Variants in APOBEC3C observed in about 807,000 individuals in gnomAD.
APOBEC3C encodes apolipoprotein B mRNA editing enzyme catalytic subunit 3C.
Under a neutral mutation model 20.6 loss-of-function variants are expected in APOBEC3C, and 14 were observed. The observed-to-expected ratio is 0.68, with a 90% confidence interval of 0.45 to 1.06. The LOEUF (loss-of-function observed/expected upper bound fraction) is 1.06, where lower values mean the gene tolerates loss of function less well. Ranked by LOEUF, APOBEC3C falls within the 50% of genes least tolerant of loss-of-function variation. The pLI, the probability that APOBEC3C is intolerant of heterozygous loss-of-function variation, is 0.00. For missense variants in APOBEC3C, 244 were observed against 241.9 expected (o/e 1.01, Z -0.06); for synonymous variants, 98 against 88.8 (o/e 1.10, Z -0.58).
intron 1 of APOBEC3C, among the ~76,000 whole-genome samples, chr22:39,015,089 G>A (rs1924733079): frequency 6.6e-6 from 1 of 152,078 alleles, no homozygotes; most frequent in Admixed American, 6.5e-5. Context: ...CTTGTGGTCA[G>A]GAGTTTGAGA....
In APOBEC3C at chr22:39,018,546, T is replaced by G. The variant is rs1285460729; in HGVS notation, c.*159T>G. Reference sequence around the variant, plus strand: ...AGTGCTCCCCTGCCTCACCGCTTCCTCCTCGCTCTTCCAGACTCTTCCTGC... The same window carrying G: ...AGTGCTCCCCTGCCTCACCGCTTCCGCCTCGCTCTTCCAGACTCTTCCTGC... On this transcript the variant is annotated 3_prime_UTR_variant, in exon 4 of 4. Coordinates refer to ENST00000361441, the MANE Select transcript of APOBEC3C (RefSeq NM_014508.3). 1 of 786,024 alleles carries G rather than the reference T, an allele frequency of 1.3e-6. No homozygotes were observed. Among genetic ancestry groups the G allele is most frequent in the East Asian group, 2.7e-5 (1 of 36,990 alleles). 48.7% of individuals were successfully genotyped at this position (786,024 alleles called of 1,614,324 possible). A position where few individuals can be genotyped will look rare whatever the true frequency, so the allele number is the denominator to read the frequency against.
intron 1 of APOBEC3C, 116 bp downstream of exon 1, chr22:39,014,495 C>T (rs2244104): frequency 4.7e-5 from 61 of 1,293,260 alleles, no homozygotes; most frequent in East Asian, 2.9e-4. Flanking sequence ...CTCCCTCCCC[C>T]CTGGTTCCCC....
intron 1 of APOBEC3C, among the ~76,000 whole-genome samples, chr22:39,014,897 A>T (rs1422765742): frequency 3.9e-5 from 6 of 152,284 alleles, no homozygotes; most frequent in African/African-American, 1.4e-4. Context: ...GCAGAGTAGG[A>T]TGCACACGAC....
chr22:39,018,521 A>T lies in APOBEC3C; in HGVS notation c.*134A>T. On this transcript the variant is annotated 3_prime_UTR_variant, in exon 4 of 4. Coordinates refer to ENST00000361441, the MANE Select transcript of APOBEC3C (RefSeq NM_014508.3). ...CCTCCTGGCCTCAGGGCCATTCCAC[A>T]GTGCTCCCCTGCCTCACCGCTTCCT... 3 of 1,050,456 alleles carry T rather than the reference A, an allele frequency of 2.9e-6. No homozygotes were observed. Among genetic ancestry groups the T allele is most frequent in the Non-Finnish European group, 4.2e-6 (3 of 720,942 alleles). The allele number at this position is 1,050,456 out of a possible 1,614,324, so 65.1% of individuals were successfully genotyped here. A position where few individuals can be genotyped will look rare whatever the true frequency, so the allele number is the denominator to read the frequency against.
chr22:39,018,657 C>G lies in APOBEC3C; in HGVS notation c.*270C>G. ...CTGCGTGCCCCTAACCTGGCTTTTC[C>G]CATCTCCCCAGCATAACCAAATCTT... On this transcript the variant is annotated 3_prime_UTR_variant, in exon 4 of 4. Coordinates refer to ENST00000361441, the MANE Select transcript of APOBEC3C (RefSeq NM_014508.3). The G allele has an allele frequency of 3.1e-6, 1 of 317,722 alleles. No homozygotes were observed. The highest frequency in any genetic ancestry group is 5.9e-6 in the Non-Finnish European group (1 of 169,866). 19.7% of individuals were successfully genotyped at this position (317,722 alleles called of 1,614,324 possible). A position where few individuals can be genotyped will look rare whatever the true frequency, so the allele number is the denominator to read the frequency against.
chr22:39,014,515 C>A, intron 1 of APOBEC3C, 136 bp downstream of exon 1: 1 of 1,074,044 alleles, frequency 9.3e-7, no homozygotes, highest in Admixed American at 2.1e-5. Context: ...CCGCTGCCCC[C>A]ACTCCCAGCC....
rs1327837592 is a variant in APOBEC3C at position 39,014,312 on chromosome 22, A to G, written c.-51A>G. On this transcript the variant is annotated 5_prime_UTR_variant, in exon 1 of 4. Coordinates refer to ENST00000361441, the MANE Select transcript of APOBEC3C (RefSeq NM_014508.3). ...CGCTGTAAGCAGGAAGAGAAGCCAC[A>G]GCGCTTCAGAAAAGAGTGGGACAGG... The G allele has an allele frequency of 8.7e-6, 14 of 1,613,064 alleles. No individual in the cohort carries two copies. In the Admixed American group the frequency reaches 2.0e-4, roughly 23 times the overall value.
intron 2 of APOBEC3C, among the ~76,000 whole-genome samples, 176 bp from the exon 3 acceptor site, chr22:39,017,590 A>C (rs1281203283): frequency 3.9e-5 from 6 of 152,134 alleles, no homozygotes; most frequent in Admixed American, 3.9e-4. Context: ...CAGTCAGCCC[A>C]GATCCCACCA....
Position 39,017,756 on chromosome 22 carries a change from C to T in APOBEC3C, c.175-10C>T, listed in dbSNP as rs1200948569. The T allele has an allele frequency of 6.2e-7, 1 of 1,610,420 alleles. No homozygotes were observed. Among genetic ancestry groups the T allele is most frequent in the African/African-American group, 1.3e-5 (1 of 74,866 alleles). On this transcript the variant is annotated splice_polypyrimidine_tract_variant and intron_variant, in intron 2 of 3. Transcript: ENST00000361441. ...TGAGCTCCCCTGTCCTCCTCCTCCT[C>T]CTTCGCCAGGTGGATTCTGAGACCC...
intron 3 of APOBEC3C, 74 bp from the exon 4 acceptor site, chr22:39,018,195 G>A: frequency 1.9e-6 from 3 of 1,575,616 alleles, no homozygotes; most frequent in East Asian, 4.5e-5. Flanking sequence ...GGATACCTGG[G>A]CTGGGAGGGG....
chr22:39,015,050 C>T (rs1439957494), intron 1 of APOBEC3C, among the ~76,000 whole-genome samples: 2 of 152,126 alleles, frequency 1.3e-5, no homozygotes, highest in African/African-American at 4.8e-5. Context: ...GTAATCCTAG[C>T]ACTTTGGGAG....
rs1471953243 is a variant in APOBEC3C, at chr22:39,019,575, T to A, written c.*1188T>A. On this transcript the variant is annotated 3_prime_UTR_variant, in exon 4 of 4. Coordinates refer to ENST00000361441, the MANE Select transcript of APOBEC3C (RefSeq NM_014508.3). ...ATTCTCCATAAAAATGACCCTTTCA[T>A]GCTGTGGCCTCCATAGAAGATGTCC... is the stretch of plus-strand genomic sequence containing the variant. The A allele has an allele frequency of 1.3e-5, 2 of 152,176 alleles. No homozygotes were observed. The highest frequency in any genetic ancestry group is 2.9e-5 in the Non-Finnish European group (2 of 68,028). The allele number at this position is 152,176 out of a possible 1,614,324, so 9.4% of individuals were successfully genotyped here.
chr22:39,016,751 C>T (rs548155641), intron 2 of APOBEC3C, among the ~76,000 whole-genome samples: 3 of 152,242 alleles, frequency 2.0e-5, no homozygotes, highest in South Asian at 4.1e-4. Flanking sequence ...CCAGTGACTG[C>T]GGGCTGGTGG....
rs1195404675 is a variant in APOBEC3C at position 39,020,228 on chromosome 22, A to C, written c.*1841A>C. On this transcript the variant is annotated 3_prime_UTR_variant, in exon 4 of 4. Transcript: ENST00000361441. ...CCTCTTCAGCATAAAGCTCCTGCCCAAACCCCTCCTGCTCCTAAATGTCTG... is the reference window on the plus strand; with the variant it reads ...CCTCTTCAGCATAAAGCTCCTGCCCCAACCCCTCCTGCTCCTAAATGTCTG... 2.6e-5 allele frequency: 4 copies of C among 152,270 alleles called. No individual in the cohort carries two copies. The highest frequency in any genetic ancestry group is 5.9e-5 in the Non-Finnish European group (4 of 68,066). The allele number at this position is 152,270 out of a possible 1,614,324, so 9.4% of individuals were successfully genotyped here.
intron 1 of APOBEC3C, among the ~76,000 whole-genome samples, chr22:39,014,819 G>A (rs1165679762): frequency 6.6e-6 from 1 of 152,158 alleles, no homozygotes; most frequent in Non-Finnish European, 1.5e-5. Context: ...TTAGGAGAGG[G>A]TGTGGGGGAG....
At chr22:39,015,024 A>T (rs949695163) in intron 1 of APOBEC3C, among the ~76,000 whole-genome samples, 22 of 152,142 alleles carry the variant, frequency 1.4e-4, no homozygotes, top group Non-Finnish European at 1.5e-5. Flanking sequence ...TAGGCCAGGC[A>T]CGGTGGCTTA....
chr22:39,017,622 C>A (rs1477901736), intron 2 of APOBEC3C, 144 bp from the exon 3 acceptor site: 10 of 1,114,388 alleles, frequency 9.0e-6, no homozygotes, highest in Non-Finnish European at 1.3e-5. Flanking sequence ...AACCTGTGCA[C>A]CAGAGAGAGA....
chr22:39,014,813 G>C (rs1346730272), intron 1 of APOBEC3C, among the ~76,000 whole-genome samples: 1 of 152,160 alleles, frequency 6.6e-6, no homozygotes. Flanking sequence ...AAAGTCTTAG[G>C]AGAGGGTGTG....
intron 2 of APOBEC3C, among the ~76,000 whole-genome samples, chr22:39,016,800 C>A (rs1001663786): frequency 2.6e-5 from 4 of 152,188 alleles, no homozygotes; most frequent in African/African-American, 9.6e-5. Context: ...CAGCAGAAGG[C>A]AGGCAGGGAA....
Sources: gnomAD v4.1 joint callset for allele counts (sites outside exome capture counted in the v4.1 genomes callset) on GRCh38, gnomAD v4.1.1 for gene constraint, MANE v1.5 for transcripts, NCBI Gene and HGNC (gene_info 2026-07-23, HGNC 2026-07-21) for gene names.